The following MTUS2 variants were observed in gnomAD, a reference collection of about 807,000 sequenced individuals.
MTUS2 encodes the protein microtubule associated scaffold protein 2, also known as microtubule-associated tumor suppressor candidate 2.
MTUS2 carries 40 observed loss-of-function variants against 114.1 expected under a neutral mutation model. The observed-to-expected ratio is 0.35, with a 90% CI of 0.27 to 0.46. MTUS2 has a LOEUF of 0.46. Among genes scored for constraint, MTUS2 ranks in the 20% least tolerant of loss-of-function variants. The pLI, the probability that MTUS2 is intolerant of heterozygous loss-of-function variation, is 1.00. For missense variants in MTUS2, 1,679 were observed against 1,705.4 expected (o/e 0.98, Z 0.27); for synonymous variants, 688 against 672.0 (o/e 1.02, Z -0.37).
chr13:29,431,488 G>C (rs1373690187), intron 8 of MTUS2, among the ~76,000 whole-genome samples: 1 of 152,130 alleles, frequency 6.6e-6, no homozygotes, highest in Non-Finnish European at 1.5e-5. Flanking sequence ...AACACACACA[G>C]AACAATTAAA....
chr13:29,208,714 T>C (rs1016067209), intron 5 of MTUS2, among the ~76,000 whole-genome samples: 5 of 152,174 alleles, frequency 3.3e-5, no homozygotes, highest in Non-Finnish European at 7.4e-5. Flanking sequence ...AGCAGGTTAT[T>C]TAATTTCCAT....
intron 6 of MTUS2, among the ~76,000 whole-genome samples, chr13:29,282,877 C>T (rs1157677930): frequency 6.6e-6 from 1 of 152,124 alleles, no homozygotes; most frequent in East Asian, 1.9e-4. Context: ...AATGGTAGGG[C>T]TCATTCTTTT....
chr13:28,885,990 T>C (rs1013177783), intron 2 of MTUS2, among the ~76,000 whole-genome samples: 4 of 152,136 alleles, frequency 2.6e-5, no homozygotes, highest in African/African-American at 9.7e-5. Context: ...GTGAGGCTTG[T>C]GGAGCAGTTG....
chr13:29,401,563 C>T (rs924342314), intron 8 of MTUS2, among the ~76,000 whole-genome samples: 2 of 152,112 alleles, frequency 1.3e-5, no homozygotes, highest in African/African-American at 4.8e-5. Context: ...GTTTTTTCCC[C>T]ATATAAGTAG....
intron 8 of MTUS2, among the ~76,000 whole-genome samples, chr13:29,420,020 A>G (rs1038512941): frequency 2.0e-5 from 3 of 152,212 alleles, no homozygotes; most frequent in African/African-American, 4.8e-5. Context: ...TTTCTACTGA[A>G]AATAGAGTCA....
chr13:28,824,623 G>A (rs1874138229), intron 1 of MTUS2, among the ~76,000 whole-genome samples: 1 of 150,678 alleles, frequency 6.6e-6, no homozygotes, highest in South Asian at 2.1e-4. Context: ...CACTGCAGTT[G>A]TACTGGGTAA....
intron 7 of MTUS2, among the ~76,000 whole-genome samples, chr13:29,329,906 G>A (rs1316226077): frequency 3.9e-5 from 6 of 152,118 alleles, no homozygotes; most frequent in South Asian, 2.1e-4. Context: ...GAGCCACTGC[G>A]CCTAGCTGCA....
chr13:29,318,772 A>G (rs1490009019), intron 6 of MTUS2, among the ~76,000 whole-genome samples: 1 of 151,634 alleles, frequency 6.6e-6, no homozygotes, highest in Non-Finnish European at 1.5e-5. Flanking sequence ...GAGCTTTTAC[A>G]CTCTCCTTCT....
At chr13:29,502,624 T>C (rs142883661) in intron 15 of MTUS2, among the ~76,000 whole-genome samples, 112 of 152,366 alleles carry the variant, frequency 7.4e-4, no homozygotes, top group Non-Finnish European at 1.3e-3. Flanking sequence ...CTGTTGTCAT[T>C]GTCAATTGCC....
intron 2 of MTUS2, among the ~76,000 whole-genome samples, chr13:29,004,542 G>A (rs1353371702): frequency 6.6e-6 from 1 of 152,208 alleles, no homozygotes; most frequent in Admixed American, 6.5e-5. Context: ...AGGCAAAAAT[G>A]AGAAGAAAAC....
chr13:29,488,647 C>T (rs1025426862), intron 11 of MTUS2, among the ~76,000 whole-genome samples: 2 of 152,058 alleles, frequency 1.3e-5, no homozygotes, highest in Non-Finnish European at 2.9e-5. Flanking sequence ...CTTATAAAAA[C>T]AAATGGAAGC....
chr13:29,005,239 T>G (rs370514631), intron 2 of MTUS2, among the ~76,000 whole-genome samples: 218 of 152,218 alleles, frequency 1.4e-3, no homozygotes, highest in African/African-American at 5.0e-3. Flanking sequence ...GCCACCAGCA[T>G]TATGGTCGAG....
At chr13:29,092,533 C>T (rs980547413) in intron 4 of MTUS2, among the ~76,000 whole-genome samples, 2 of 152,132 alleles carry the variant, frequency 1.3e-5, no homozygotes, top group African/African-American at 4.8e-5. Flanking sequence ...TCAGAGTAAC[C>T]TTATTCATCT....
At chr13:29,036,836 C>CTT (rs60067754) in intron 4 of MTUS2, among the ~76,000 whole-genome samples, 75,047 of 148,076 alleles carry the variant, frequency 0.51, 19,511 homozygotes, top group African/African-American at 0.61. Context: ...CAACCCTTGT[C>CTT]TTTTTTTTTG....
chr13:29,293,877 A>G (rs1898823971), intron 6 of MTUS2, among the ~76,000 whole-genome samples: 2 of 152,210 alleles, frequency 1.3e-5, no homozygotes, highest in South Asian at 2.1e-4. Flanking sequence ...CATTTTATGT[A>G]TGCCTTTTTG....
At chr13:29,441,618 C>G (rs1877882017) in intron 9 of MTUS2, among the ~76,000 whole-genome samples, 1 of 152,158 alleles carries the variant, frequency 6.6e-6, no homozygotes, top group Non-Finnish European at 1.5e-5. Context: ...GTGGCCCCCA[C>G]TTTTTCCTGA....
chr13:28,995,251 T>C (rs2138354936), intron 2 of MTUS2, among the ~76,000 whole-genome samples: 1 of 152,332 alleles, frequency 6.6e-6, no homozygotes, highest in South Asian at 2.1e-4. Flanking sequence ...TTCTGTTCCA[T>C]TGATCTATAT....
At chr13:29,324,744 A>G (rs928660) in intron 7 of MTUS2, 33 bp downstream of exon 7, 1,280,367 of 1,493,720 alleles carry the variant, frequency 0.86, 553,844 homozygotes, top group East Asian at 0.91. Flanking sequence ...TCCTTGGGGG[A>G]ATGACTTGAA....
At chr13:28,893,212 G>A (rs1593276541) in intron 2 of MTUS2, among the ~76,000 whole-genome samples, 1 of 152,176 alleles carries the variant, frequency 6.6e-6, no homozygotes, top group Non-Finnish European at 1.5e-5. Context: ...GGCAGAGTCA[G>A]GTGTCCTAGC....
Sources: allele counts gnomAD v4.1 joint callset (sites outside exome capture counted in the v4.1 genomes callset), GRCh38; gene constraint gnomAD v4.1.1; transcripts MANE v1.5; gene names NCBI Gene and HGNC (gene_info 2026-07-23, HGNC 2026-07-21).